Variants in STARD13 observed in about 807,000 individuals in gnomAD.
STARD13 encodes stAR-related lipid transfer protein 13.
A neutral mutation model predicts 106.4 loss-of-function variants in STARD13; 62 were observed. The ratio of observed to expected loss-of-function variants is 0.58; its 90% CI spans 0.48 to 0.72. The LOEUF (loss-of-function observed/expected upper bound fraction) is 0.72. STARD13 is among the 30% of genes least tolerant of loss of function. The pLI is 0.00. For missense variants in STARD13, 1,387 were observed against 1,424.0 expected (o/e 0.97, Z 0.42); for synonymous variants, 565 against 553.0 (o/e 1.02, Z -0.31).
the STARD13 span, among the ~76,000 whole-genome samples, chr13:33,573,915 C>T: frequency 6.6e-6 from 1 of 151,946 alleles, no homozygotes; most frequent in East Asian, 1.9e-4. Context: ...AAAAGTTTTA[C>T]AGGTATTTTT....
At chr13:33,296,910 C>A (rs898698539) in intron 1 of STARD13, among the ~76,000 whole-genome samples, 1 of 152,144 alleles carries the variant, frequency 6.6e-6, no homozygotes, top group African/African-American at 2.4e-5. Flanking sequence ...TGAGCCACTG[C>A]GCCCGGCCGA....
intron 1 of STARD13, among the ~76,000 whole-genome samples, chr13:33,238,285 C>G (rs927357610): frequency 3.3e-5 from 5 of 152,102 alleles, no homozygotes; most frequent in African/African-American, 1.2e-4. Context: ...GATTTCAAGA[C>G]TAAAGATTTA....
At chr13:33,175,228 G>C (rs938336029) in intron 1 of STARD13, among the ~76,000 whole-genome samples, 1 of 152,110 alleles carries the variant, frequency 6.6e-6, no homozygotes, top group Non-Finnish European at 1.5e-5. Context: ...GTTCCAATCA[G>C]GCGCTTGTGG....
At chr13:33,341,014 G>A (rs557505615) in intron 1 of STARD13, among the ~76,000 whole-genome samples, 1 of 152,312 alleles carries the variant, frequency 6.6e-6, no homozygotes, top group East Asian at 1.9e-4. Flanking sequence ...TGACAAAAAT[G>A]TTTGTCCTTC....
chr13:33,212,260 C>T lies in STARD13; in HGVS notation c.170-44638G>A, dbSNP rs565257810. On this transcript the variant is annotated intron_variant, in intron 1 of 13. Coordinates refer to ENST00000336934, the MANE Select transcript of STARD13 (RefSeq NM_178006.4). ...GGTAGAAAAGATGGGTGAGTGAACC[C>T]GCACAAACTCATAAATGAAAACATT... is the stretch of plus-strand genomic sequence containing the variant. 1.8e-4 allele frequency among the ~76,000 whole-genome samples: 28 copies of T among 152,184 alleles called. No individual in the cohort carries two copies. In the South Asian group the frequency reaches 5.0e-3, roughly 27 times the overall value.
chr13:33,295,579 T>C (rs11618658), intron 1 of STARD13, among the ~76,000 whole-genome samples: 34,020 of 152,124 alleles, frequency 0.22, 4,776 homozygotes, highest in South Asian at 0.42. Flanking sequence ...TAGACTGTGA[T>C]GGTACAGAGA....
At chr13:33,532,907 T>C in the STARD13 span, among the ~76,000 whole-genome samples, 1 of 152,078 alleles carries the variant, frequency 6.6e-6, no homozygotes, top group Non-Finnish European at 1.5e-5. Flanking sequence ...GTGGACCAGA[T>C]GGGCACCTTC....
the STARD13 span, among the ~76,000 whole-genome samples, chr13:33,461,641 T>C: frequency 1.2e-4 from 19 of 152,348 alleles, no homozygotes; most frequent in East Asian, 3.3e-3. Flanking sequence ...TTGCTTATTA[T>C]GGTTTTTTGC....
intron 1 of STARD13, among the ~76,000 whole-genome samples, chr13:33,270,855 G>T (rs568911803): frequency 6.6e-6 from 1 of 152,248 alleles, no homozygotes; most frequent in East Asian, 1.9e-4. Context: ...CTATAGTAAA[G>T]GTTGTCTCTG....
intron 1 of STARD13, among the ~76,000 whole-genome samples, chr13:33,339,483 A>C (rs1331949637): frequency 6.6e-6 from 1 of 152,262 alleles, no homozygotes; most frequent in East Asian, 1.9e-4. Flanking sequence ...CACAGATGTT[A>C]ATACCCATTT....
chr13:33,368,199 G>A, the STARD13 span, among the ~76,000 whole-genome samples: 1 of 152,098 alleles, frequency 6.6e-6, no homozygotes, highest in South Asian at 2.1e-4. Context: ...CCCGAGCTAG[G>A]TCACATCTAA....
chr13:33,297,909 T>C (rs1892559196), intron 1 of STARD13, among the ~76,000 whole-genome samples: 1 of 152,096 alleles, frequency 6.6e-6, no homozygotes, highest in African/African-American at 2.4e-5. Flanking sequence ...TCCCAGTGTC[T>C]CATACAGTTA....
chr13:33,339,923 A>G (rs2077941261), intron 1 of STARD13, among the ~76,000 whole-genome samples: 1 of 151,936 alleles, frequency 6.6e-6, no homozygotes, highest in Admixed American at 6.6e-5. Context: ...AAAAAAAAGG[A>G]AAATACTATT....
intron 3 of STARD13, among the ~76,000 whole-genome samples, chr13:33,144,180 C>A (rs930535406): frequency 6.6e-6 from 1 of 152,230 alleles, no homozygotes; most frequent in African/African-American, 2.4e-5. Flanking sequence ...CCAGGCATCT[C>A]ATCTGAGGCC....
At chr13:33,651,717 A>T in the STARD13 span, among the ~76,000 whole-genome samples, 1 of 152,230 alleles carries the variant, frequency 6.6e-6, no homozygotes, top group South Asian at 2.1e-4. Flanking sequence ...CTTCTTTAGG[A>T]ATATTAGCCA....
At position 33,127,442 on chromosome 13, in the gene STARD13, C is replaced by T. The variant is rs773982479; in HGVS notation, c.1853G>A (p.Arg618His). 5 of 1,603,762 alleles carry T rather than the reference C, an allele frequency of 3.1e-6. No individual in the cohort carries two copies. Among genetic ancestry groups the T allele is most frequent in the Admixed American group, 1.7e-5 (1 of 59,572 alleles). ...GGCCGTGAGGCGGAGCAGTGAGAAGCGCTGGAGCAGGCTCAGCTGGCTGGC... is the reference window on the plus strand; with the variant it reads ...GGCCGTGAGGCGGAGCAGTGAGAAGTGCTGGAGCAGGCTCAGCTGGCTGGC... ...QTASQLSLLQ[R>H]FSLLRLTAIM... Residue 618 changes from arginine (R) to histidine (H), a missense_variant, in exon 6 of 14, where the codon CGC becomes CAC. Transcript: ENST00000336934.
At chr13:33,481,486 G>A in the STARD13 span, among the ~76,000 whole-genome samples, 1 of 152,076 alleles carries the variant, frequency 6.6e-6, no homozygotes, top group South Asian at 2.1e-4. Flanking sequence ...TAGAAAACAC[G>A]GAGGATAAAG....
chr13:33,124,750 A>G (rs1474718316), intron 7 of STARD13, among the ~76,000 whole-genome samples: 1 of 152,168 alleles, frequency 6.6e-6, no homozygotes, highest in Admixed American at 6.5e-5. Context: ...AAGTAACGAG[A>G]TTCATTGGCT....
chr13:33,233,963 C>T (rs1399447197), intron 1 of STARD13, among the ~76,000 whole-genome samples: 1 of 152,182 alleles, frequency 6.6e-6, no homozygotes, highest in African/African-American at 2.4e-5. Flanking sequence ...TGGGGTGCCC[C>T]TTCTATGAGT....
Sources: allele counts gnomAD v4.1 joint callset (sites outside exome capture counted in the v4.1 genomes callset), GRCh38; gene constraint gnomAD v4.1.1; transcripts MANE v1.5; gene names NCBI Gene and HGNC (gene_info 2026-07-23, HGNC 2026-07-21).